Variants in HTR2A observed in about 807,000 individuals in gnomAD.
HTR2A encodes the protein 5-HT2 receptor.
HTR2A carries 14 observed loss-of-function variants against 31.0 expected under a neutral mutation model. That is an observed-to-expected ratio of 0.45 (90% confidence interval 0.30 to 0.71). The LOEUF (loss-of-function observed/expected upper bound fraction) is 0.71, where lower values mean the gene tolerates loss of function less well. Ranked by LOEUF, HTR2A falls within the 30% of genes least tolerant of loss-of-function variation. The pLI, the probability that HTR2A is intolerant of heterozygous loss-of-function variation, is 0.09. For synonymous variants in HTR2A, 209 were observed against 225.2 expected (o/e 0.93, Z 0.64); for missense variants, 442 against 573.3 (o/e 0.77, Z 2.34).
intron 3 of HTR2A, among the ~76,000 whole-genome samples, chr13:46,848,010 C>T (rs1950656314): frequency 6.6e-6 from 1 of 152,116 alleles, no homozygotes; most frequent in South Asian, 2.1e-4. Flanking sequence ...TTTTATCACT[C>T]AACAGTCTGG....
rs1211129250 is a variant in HTR2A, at chr13:46,831,799, G to T, written c.*3038C>A. ...AAAAATTACCATGAGATGGCGCTGT[G>T]GCCAAGTAAATGCAGTATGCTTTAA... is the stretch of plus-strand genomic sequence containing the variant. On this transcript the variant is annotated 3_prime_UTR_variant, in exon 4 of 4. Coordinates refer to ENST00000542664, the MANE Select transcript of HTR2A (RefSeq NM_000621.5). 6.6e-6 allele frequency: 1 copy of T among 152,156 alleles called. No individual in the cohort carries two copies. Among genetic ancestry groups the T allele is most frequent in the African/African-American group, 2.4e-5 (1 of 41,442 alleles). 9.4% of individuals were successfully genotyped at this position (152,156 alleles called of 1,614,324 possible). A position where few individuals can be genotyped will look rare whatever the true frequency, so the allele number is the denominator to read the frequency against.
At chr13:46,838,477 G>T (rs1950575564) in intron 3 of HTR2A, among the ~76,000 whole-genome samples, 1 of 152,086 alleles carries the variant, frequency 6.6e-6, no homozygotes, top group Non-Finnish European at 1.5e-5. Flanking sequence ...TTTCTCTGCA[G>T]AACTATTTAT....
At chr13:46,885,532 CATA>C (rs1344690094) in intron 3 of HTR2A, among the ~76,000 whole-genome samples, 3 of 152,198 alleles carry the variant, frequency 2.0e-5, no homozygotes, top group South Asian at 2.1e-4. Flanking sequence ...CATATCTAAA[CATA>C]ATCCAACCTT....
At chr13:46,876,310 C>T (rs1386316161) in intron 3 of HTR2A, among the ~76,000 whole-genome samples, 1 of 150,498 alleles carries the variant, frequency 6.6e-6, no homozygotes, top group African/African-American at 2.4e-5. Context: ...TTTATAATGG[C>T]AGATTCTGCT....
chr13:46,864,832 T>A (rs1950807219), intron 3 of HTR2A, among the ~76,000 whole-genome samples: 1 of 152,068 alleles, frequency 6.6e-6, no homozygotes, highest in Non-Finnish European at 1.5e-5. Context: ...TATAAAAGAG[T>A]GAGATTCGTC....
At position 46,834,767 on chromosome 13, in the gene HTR2A, ATTT is replaced by A; in HGVS notation, c.*67_*69del. ...CTTGTCTAATTTTTTCCAATCTCATATTTTTTTTTTTCCAGATAGGTGAAAACT... is the reference window on the plus strand; with the variant it reads ...CTTGTCTAATTTTTTCCAATCTCATATTTTTTTTCCAGATAGGTGAAAACT... On this transcript the variant is annotated 3_prime_UTR_variant, in exon 4 of 4. Transcript: ENST00000542664. 2 of 1,066,736 alleles carry A rather than the reference ATTT, an allele frequency of 1.9e-6. No homozygotes were observed. The highest frequency in any genetic ancestry group is 1.3e-6 in the Non-Finnish European group (1 of 762,756). The allele number at this position is 1,066,736 out of a possible 1,614,324, so 66.1% of individuals were successfully genotyped here. A position where few individuals can be genotyped will look rare whatever the true frequency, so the allele number is the denominator to read the frequency against.
At position 46,835,256 on chromosome 13, in the gene HTR2A, C is replaced by A; in HGVS notation, c.997G>T (p.Val333Leu). ...ATGAAGAAAGGGCACCACATCACCA[C>A]AAACAGGAAGAAGACGATGCCCAGC... Reference protein sequence around the residue: ...KVLGIVFFLFVVMWCPFFITN... With the variant: ...KVLGIVFFLFLVMWCPFFITN... Residue 333 changes from valine (V) to leucine (L), a missense_variant, in exon 4 of 4, where the codon GTG becomes TTG. Physicochemically the swap from Val to Leu is conservative, Grantham distance 32. Transcript: ENST00000542664. 3 of 1,614,118 alleles carry A rather than the reference C, an allele frequency of 1.9e-6. No homozygotes were observed. The highest frequency in any genetic ancestry group is 2.5e-6 in the Non-Finnish European group (3 of 1,180,010).
chr13:46,878,204 AGAT>A (rs1329396856), intron 3 of HTR2A, among the ~76,000 whole-genome samples: 3 of 152,156 alleles, frequency 2.0e-5, no homozygotes, highest in African/African-American at 4.8e-5. Flanking sequence ...CACCAGAGAG[AGAT>A]GATGAGGGCT....
intron 3 of HTR2A, among the ~76,000 whole-genome samples, chr13:46,885,851 A>G (rs1951001623): frequency 6.6e-6 from 1 of 152,196 alleles, no homozygotes; most frequent in Non-Finnish European, 1.5e-5. Flanking sequence ...ATGTTAAATA[A>G]GTTTTATTGT....
At chr13:46,870,617 T>C (rs891135842) in intron 3 of HTR2A, among the ~76,000 whole-genome samples, 14 of 152,234 alleles carry the variant, frequency 9.2e-5, no homozygotes, top group African/African-American at 3.1e-4. Context: ...ATTGGTTTAA[T>C]ACCTTGCATC....
upstream of HTR2A, chr13:46,897,098 A>G (rs1324072227): frequency 5.2e-6 from 2 of 383,884 alleles, no homozygotes; most frequent in Non-Finnish European, 4.6e-6. Context: ...TGTGTATGTC[A>G]TAAGCTGCAA....
chr13:46,863,692 C>T (rs1950799903), intron 3 of HTR2A, among the ~76,000 whole-genome samples: 1 of 142,106 alleles, frequency 7.0e-6, no homozygotes. Context: ...CTCAACATCA[C>T]TGATCATTTG....
At chr13:46,873,621 A>G (rs1372501349) in intron 3 of HTR2A, among the ~76,000 whole-genome samples, 1 of 151,120 alleles carries the variant, frequency 6.6e-6, no homozygotes, top group Non-Finnish European at 1.5e-5. Context: ...AACAGTCCCC[A>G]GAGTGTGATG....
chr13:46,877,254 C>T (rs1381623643), intron 3 of HTR2A, among the ~76,000 whole-genome samples: 2 of 152,072 alleles, frequency 1.3e-5, no homozygotes, highest in Non-Finnish European at 2.9e-5. Flanking sequence ...TAGATGAGAA[C>T]GATTCTTGCA....
intron 3 of HTR2A, among the ~76,000 whole-genome samples, chr13:46,839,126 G>A (rs1359508967): frequency 6.6e-6 from 1 of 152,030 alleles, no homozygotes; most frequent in African/African-American, 2.4e-5. Flanking sequence ...TGTGGTAAGA[G>A]GTTACACGCA....
At chr13:46,881,711 C>T (rs1299897724) in intron 3 of HTR2A, among the ~76,000 whole-genome samples, 1 of 152,126 alleles carries the variant, frequency 6.6e-6, no homozygotes, top group Admixed American at 6.5e-5. Context: ...ACTTCTTAGG[C>T]TGACTAATAG....
rs1593448032 is a variant in HTR2A at position 46,896,107 on chromosome 13, T to G, written c.-201A>C. 9.1e-6 allele frequency: 12 copies of G among 1,320,754 alleles called. No homozygotes were observed. The East Asian group carries it at 3.4e-4, about 38-fold the overall frequency. 81.8% of individuals were successfully genotyped at this position (1,320,754 alleles called of 1,614,324 possible). A position where few individuals can be genotyped will look rare whatever the true frequency, so the allele number is the denominator to read the frequency against. On this transcript the variant is annotated 5_prime_UTR_variant, in exon 2 of 4. Coordinates refer to ENST00000542664, the MANE Select transcript of HTR2A (RefSeq NM_000621.5). ...TGTGGTGGCTGTAAGTTTTCTTCAT[T>G]CACAATTTTAGGAGAGTCCACTGTT... is the stretch of plus-strand genomic sequence containing the variant.
chr13:46,887,416 C>G (rs1427068067), intron 3 of HTR2A, among the ~76,000 whole-genome samples: 5 of 64,720 alleles, frequency 7.7e-5, no homozygotes, highest in Non-Finnish European at 5.5e-5. Context: ...GAGTGAGACT[C>G]TGTCTCAAAA....
chr13:46,882,149 C>T (rs1057036739), intron 3 of HTR2A, among the ~76,000 whole-genome samples: 7 of 151,456 alleles, frequency 4.6e-5, no homozygotes, highest in Admixed American at 6.6e-5. Context: ...AAGTTACATG[C>T]AATTCCAAGT....
Sources: allele counts gnomAD v4.1 joint callset (sites outside exome capture counted in the v4.1 genomes callset), GRCh38; gene constraint gnomAD v4.1.1; transcripts MANE v1.5; gene names NCBI Gene and HGNC (gene_info 2026-07-23, HGNC 2026-07-21).